The following SLC2A13 variants were observed in gnomAD, a reference collection of about 807,000 sequenced individuals.
The protein encoded by SLC2A13 is solute carrier family 2 member 13, also known as proton myo-inositol cotransporter.
A neutral mutation model predicts 64.4 loss-of-function variants in SLC2A13; 32 were observed. The ratio of observed to expected loss-of-function variants is 0.50; its 90% CI spans 0.37 to 0.67. The LOEUF (loss-of-function observed/expected upper bound fraction) is 0.67. Ranked by LOEUF, SLC2A13 falls within the 30% of genes least tolerant of loss-of-function variation. The pLI is 0.00. For missense variants in SLC2A13, 743 were observed against 829.2 expected, an observed-to-expected ratio of 0.90 and a Z score of 1.28; for synonymous variants, 338 against 327.1, an observed-to-expected ratio of 1.03 and a Z score of -0.36.
chr12:39,864,650 A>C (rs573990624), intron 6 of SLC2A13, 112 bp downstream of exon 6: 1 of 1,407,882 alleles, frequency 7.1e-7, no homozygotes, highest in African/African-American at 1.5e-5. Flanking sequence ...TTCTTACATA[A>C]GCCTGGATGC....
At chr12:39,820,717 T>A (rs1451160332) in intron 7 of SLC2A13, among the ~76,000 whole-genome samples, 9 of 132,722 alleles carry the variant, frequency 6.8e-5, no homozygotes, top group African/African-American at 1.3e-4. Context: ...ATTTTTAAAT[T>A]TATATATATA....
intron 4 of SLC2A13, among the ~76,000 whole-genome samples, chr12:39,929,636 C>T (rs1293444637): frequency 1.3e-5 from 2 of 152,036 alleles, no homozygotes; most frequent in East Asian, 3.9e-4. Context: ...ACAGCTGTCC[C>T]TCAGGGGGCA....
At chr12:39,951,133 G>T in intron 4 of SLC2A13, 124 bp downstream of exon 4, 2 of 732,812 alleles carry the variant, frequency 2.7e-6, no homozygotes, top group South Asian at 3.0e-5. Flanking sequence ...CCCAAAAGGA[G>T]AATTCATACA....
chr12:39,987,886 G>A (rs1565577968), intron 3 of SLC2A13, among the ~76,000 whole-genome samples: 2 of 151,958 alleles, frequency 1.3e-5, no homozygotes, highest in African/African-American at 2.4e-5. Context: ...TTTTCTTACT[G>A]TAAAAGTACT....
chr12:39,931,578 T>C (rs1193866983), intron 4 of SLC2A13, among the ~76,000 whole-genome samples: 4 of 152,132 alleles, frequency 2.6e-5, no homozygotes, highest in African/African-American at 9.7e-5. Context: ...ACTTGGGAGG[T>C]TCTATGATAG....
chr12:39,994,213 T>C (rs573746511), intron 3 of SLC2A13, among the ~76,000 whole-genome samples: 2 of 151,716 alleles, frequency 1.3e-5, no homozygotes, highest in South Asian at 2.1e-4. Context: ...TGAAACCCCA[T>C]CTCTACTAAA....
chr12:40,031,687 C>A (rs1349725242), intron 2 of SLC2A13, among the ~76,000 whole-genome samples: 1 of 152,204 alleles, frequency 6.6e-6, no homozygotes, highest in African/African-American at 2.4e-5. Flanking sequence ...TTTGTTCTGG[C>A]TGTATCACCC....
chr12:39,772,869 TCC>T (rs1940634164), intron 7 of SLC2A13, among the ~76,000 whole-genome samples: 1 of 56,122 alleles, frequency 1.8e-5, no homozygotes, highest in Admixed American at 1.9e-4. Context: ...GCCAAGTAGC[TCC>T]TCATCATCCT....
chr12:39,912,100 C>A (rs1377666047), intron 4 of SLC2A13, among the ~76,000 whole-genome samples: 1 of 151,984 alleles, frequency 6.6e-6, no homozygotes, highest in East Asian at 1.9e-4. Context: ...CCACTCAGTT[C>A]CTTTTTCCCC....
chr12:39,897,216 A>G lies in SLC2A13; in HGVS notation c.1035-25255T>C, dbSNP rs115572101. Among the ~76,000 whole-genome samples, 407 of 152,310 alleles carry G rather than the reference A, an allele frequency of 2.7e-3. 1 individual carries two copies. The highest frequency in any genetic ancestry group is 9.5e-3 in the African/African-American group (393 of 41,572). On this transcript the variant is annotated intron_variant, in intron 4 of 9. Transcript: ENST00000280871. ...CCATCCATGAAAAAAGAGGATTTTG[A>G]GTTGAAACCTACATGACTAGCACAT...
intron 3 of SLC2A13, among the ~76,000 whole-genome samples, chr12:39,996,559 C>T (rs1055418851): frequency 2.6e-5 from 4 of 152,198 alleles, no homozygotes; most frequent in Admixed American, 6.5e-5. Context: ...GCCAACAGGC[C>T]TAGAAGGAAA....
At chr12:39,873,170 C>T (rs1944098708) in intron 4 of SLC2A13, among the ~76,000 whole-genome samples, 1 of 152,142 alleles carries the variant, frequency 6.6e-6, no homozygotes, top group Admixed American at 6.5e-5. Flanking sequence ...ATAAACCAAA[C>T]CTATAAATTA....
At chr12:39,934,789 T>C (rs1249106349) in intron 4 of SLC2A13, among the ~76,000 whole-genome samples, 3 of 152,184 alleles carry the variant, frequency 2.0e-5, no homozygotes, top group African/African-American at 4.8e-5. Context: ...ACCTTATATG[T>C]AGTTCTCTAA....
chr12:39,981,015 G>C (rs1320792281), intron 3 of SLC2A13, among the ~76,000 whole-genome samples: 2 of 151,852 alleles, frequency 1.3e-5, no homozygotes, highest in Non-Finnish European at 2.9e-5. Context: ...TCAGGATTAA[G>C]AATCTCACTC....
intron 3 of SLC2A13, among the ~76,000 whole-genome samples, chr12:39,978,477 G>C (rs1014667808): frequency 1.3e-5 from 2 of 152,178 alleles, no homozygotes; most frequent in Non-Finnish European, 2.9e-5. Flanking sequence ...CACCGTGCGC[G>C]AGCCGAAGCA....
At chr12:40,036,516 C>A (rs550688128) in intron 2 of SLC2A13, among the ~76,000 whole-genome samples, 25 of 152,262 alleles carry the variant, frequency 1.6e-4, no homozygotes, top group Admixed American at 1.2e-3. Flanking sequence ...AAATTTCTGA[C>A]CCCATTGCAC....
intron 7 of SLC2A13, among the ~76,000 whole-genome samples, chr12:39,782,314 A>C (rs1941018053): frequency 6.6e-6 from 1 of 151,998 alleles, no homozygotes; most frequent in Non-Finnish European, 1.5e-5. Flanking sequence ...TGTGGAAGGT[A>C]CCCAGGGGGA....
At chr12:40,058,086 T>TAGAC (rs1555158660) in intron 1 of SLC2A13, among the ~76,000 whole-genome samples, 48 of 151,162 alleles carry the variant, frequency 3.2e-4, no homozygotes, top group Middle Eastern at 3.2e-3. Flanking sequence ...GATAGATAGA[T>TAGAC]AGATTGATTT....
At chr12:40,055,529 A>G (rs1948320775) in intron 1 of SLC2A13, among the ~76,000 whole-genome samples, 1 of 152,250 alleles carries the variant, frequency 6.6e-6, no homozygotes, top group African/African-American at 2.4e-5. Context: ...TATCTTCTGT[A>G]CTATAAGTTG....
Sources: allele counts gnomAD v4.1 joint callset (sites outside exome capture counted in the v4.1 genomes callset), GRCh38; gene constraint gnomAD v4.1.1; transcripts MANE v1.5; gene names NCBI Gene and HGNC (gene_info 2026-07-23, HGNC 2026-07-21).